Variants in MMP26 observed in about 807,000 individuals in gnomAD.
MMP26 encodes matrix metallopeptidase 26.
MMP26 carries 33 observed loss-of-function variants against 31.0 expected under a neutral mutation model. The ratio of observed to expected loss-of-function variants is 1.06; its 90% CI spans 0.81 to 1.42. The LOEUF (loss-of-function observed/expected upper bound fraction) is 1.42. Ranked by LOEUF, MMP26 falls within the 40% of genes most tolerant of loss-of-function variation. The pLI, the probability that MMP26 is intolerant of heterozygous loss-of-function variation, is 0.00. For synonymous variants in MMP26, 122 were observed against 114.9 expected (o/e 1.06, Z -0.40); for missense variants, 347 against 316.1 (o/e 1.10, Z -0.74).
intron 2 of MMP26, among the ~76,000 whole-genome samples, chr11:4,861,129 A>C (rs1850149679): frequency 6.7e-6 from 1 of 149,420 alleles, no homozygotes; most frequent in Non-Finnish European, 1.5e-5. Flanking sequence ...ATACATATAC[A>C]TATAGATACA....
chr11:4,967,639 A>T (rs7935991), intron 2 of MMP26, among the ~76,000 whole-genome samples: 1 of 152,122 alleles, frequency 6.6e-6, no homozygotes, highest in African/African-American at 2.4e-5. Flanking sequence ...CTTTGGCTTC[A>T]TAAAGTCAAC....
At chr11:4,967,682 A>T (rs1368969492) in intron 2 of MMP26, among the ~76,000 whole-genome samples, 1 of 152,192 alleles carries the variant, frequency 6.6e-6, no homozygotes, top group Admixed American at 6.5e-5. Flanking sequence ...TAAGTACATC[A>T]TTCTCAAACA....
intron 1 of MMP26, among the ~76,000 whole-genome samples, chr11:4,744,473 G>T (rs1848354044): frequency 6.6e-6 from 1 of 152,032 alleles, no homozygotes; most frequent in Non-Finnish European, 1.5e-5. Context: ...TAACGTTAAT[G>T]CATGACCATT....
chr11:4,734,387 A>G (rs1043821105), intron 1 of MMP26, among the ~76,000 whole-genome samples: 6 of 152,064 alleles, frequency 3.9e-5, no homozygotes, highest in African/African-American at 1.2e-4. Context: ...CTATTTCATT[A>G]ATTTCTAATC....
intron 2 of MMP26, 70 bp downstream of exon 2, chr11:4,767,411 G>T (rs1248374957): frequency 1.3e-5 from 2 of 152,038 alleles, no homozygotes; most frequent in African/African-American, 4.8e-5. Context: ...TTTTGTTCAT[G>T]TTGATGTTTT....
intron 2 of MMP26, among the ~76,000 whole-genome samples, chr11:4,771,570 A>G (rs1000518900): frequency 6.6e-6 from 1 of 152,214 alleles, no homozygotes; most frequent in Non-Finnish European, 1.5e-5. Flanking sequence ...TAATATATTT[A>G]TATTGTTCAA....
chr11:4,854,841 C>A (rs977038649), intron 2 of MMP26, among the ~76,000 whole-genome samples: 4 of 152,172 alleles, frequency 2.6e-5, no homozygotes, highest in Admixed American at 6.5e-5. Flanking sequence ...CCTCTTACAG[C>A]TGGTTGCCCC....
At chr11:4,711,484 A>G (rs1830219011) in intron 1 of MMP26, 1 of 152,160 alleles carries the variant, frequency 6.6e-6, no homozygotes. Flanking sequence ...TTTTTGGATA[A>G]TGAAGTAATT....
At chr11:4,729,898 T>C (rs1489715267) in intron 1 of MMP26, among the ~76,000 whole-genome samples, 2 of 151,974 alleles carry the variant, frequency 1.3e-5, no homozygotes, top group African/African-American at 4.8e-5. Flanking sequence ...ATCGTAAAGT[T>C]AAGTAATATC....
At chr11:4,879,733 G>GACTT (rs1850431761) in intron 2 of MMP26, among the ~76,000 whole-genome samples, 1 of 152,150 alleles carries the variant, frequency 6.6e-6, no homozygotes, top group South Asian at 2.1e-4. Flanking sequence ...GTAGAAGGTA[G>GACTT]ATGGCTCCAG....
At chr11:4,719,904 T>C (rs1337199489) in intron 1 of MMP26, among the ~76,000 whole-genome samples, 1 of 152,238 alleles carries the variant, frequency 6.6e-6, no homozygotes, top group Non-Finnish European at 1.5e-5. Flanking sequence ...ACTTATTATT[T>C]AAACTTCTCC....
At chr11:4,961,000 A>T (rs1183208413) in intron 2 of MMP26, among the ~76,000 whole-genome samples, 1 of 152,206 alleles carries the variant, frequency 6.6e-6, no homozygotes, top group Non-Finnish European at 1.5e-5. Flanking sequence ...GTATGCACTC[A>T]GCTTTATAAC....
intron 2 of MMP26, among the ~76,000 whole-genome samples, chr11:4,776,862 C>A (rs918444284): frequency 1.3e-5 from 2 of 152,096 alleles, no homozygotes; most frequent in African/African-American, 2.4e-5. Context: ...TTCACTAAAT[C>A]TCTTTTCTTT....
At chr11:4,809,552 G>A (rs1184176993) in intron 2 of MMP26, among the ~76,000 whole-genome samples, 1 of 152,200 alleles carries the variant, frequency 6.6e-6, no homozygotes, top group Non-Finnish European at 1.5e-5. Flanking sequence ...AATCAACTGA[G>A]AGATTTTGCT....
chr11:4,874,076 C>A (rs751065862), intron 2 of MMP26, among the ~76,000 whole-genome samples: 1 of 152,014 alleles, frequency 6.6e-6, no homozygotes, highest in Admixed American at 6.6e-5. Context: ...CCTTTTAAGT[C>A]TGCAGTCTGC....
chr11:4,841,623 C>T (rs11034170), intron 2 of MMP26, among the ~76,000 whole-genome samples: 56,474 of 151,996 alleles, frequency 0.37, 11,059 homozygotes, highest in South Asian at 0.55. Flanking sequence ...ATTTCCTCAA[C>T]ACCAGACCTG....
chr11:4,923,479 G>C (rs1851215153), intron 2 of MMP26: 3 of 1,613,954 alleles, frequency 1.9e-6, no homozygotes, highest in Non-Finnish European at 2.5e-6. Context: ...GGTTCATAAG[G>C]GGTGGTACCA....
At chr11:4,840,194 C>T (rs908032673) in intron 2 of MMP26, among the ~76,000 whole-genome samples, 7 of 152,158 alleles carry the variant, frequency 4.6e-5, no homozygotes, top group Admixed American at 2.6e-4. Flanking sequence ...AGGCTTTTGA[C>T]CCTAGTGCCT....
chr11:4,984,192 C>T (rs919368017), intron 2 of MMP26, among the ~76,000 whole-genome samples: 1 of 152,106 alleles, frequency 6.6e-6, no homozygotes, highest in Non-Finnish European at 1.5e-5. Context: ...AGTGGCAATC[C>T]AGGCCAGTGA....
Sources: allele counts gnomAD v4.1 joint callset (sites outside exome capture counted in the v4.1 genomes callset), GRCh38; gene constraint gnomAD v4.1.1; transcripts MANE v1.5; gene names NCBI Gene and HGNC (gene_info 2026-07-23, HGNC 2026-07-21).